TRHDE: variants seen among roughly 807,000 people sequenced by gnomAD.
TRHDE encodes thyrotropin-releasing hormone-degrading ectoenzyme.
TRHDE carries 72 observed loss-of-function variants against 125.7 expected under a neutral mutation model. That is an observed-to-expected ratio of 0.57 (90% confidence interval 0.47 to 0.70). The LOEUF (loss-of-function observed/expected upper bound fraction) is 0.70, where lower values mean the gene tolerates loss of function less well. Ranked by LOEUF, TRHDE falls within the 30% of genes least tolerant of loss-of-function variation. TRHDE has a pLI of 0.00. For missense variants in TRHDE, 1,110 were observed against 1,327.1 expected, an observed-to-expected ratio of 0.84 and a Z score of 2.54; for synonymous variants, 509 against 509.1, an observed-to-expected ratio of 1.00 and a Z score of 0.00.
chr12:72,220,090 T>G (rs2139367454), intron 2 of TRHDE, among the ~76,000 whole-genome samples: 1 of 152,088 alleles, frequency 6.6e-6, no homozygotes, highest in Admixed American at 6.6e-5. Flanking sequence ...TCAGACCAGT[T>G]TAGGGTAGTT....
At chr12:72,343,699 T>G (rs1870185318) in intron 2 of TRHDE, among the ~76,000 whole-genome samples, 1 of 152,118 alleles carries the variant, frequency 6.6e-6, no homozygotes, top group Admixed American at 6.6e-5. Flanking sequence ...TATACTTTCT[T>G]ATATGATTTT....
At chr12:72,646,607 A>C (rs1195793041) in intron 15 of TRHDE, among the ~76,000 whole-genome samples, 1 of 152,074 alleles carries the variant, frequency 6.6e-6, no homozygotes, top group African/African-American at 2.4e-5. Context: ...AGCTTTAAGG[A>C]CACATATAGG....
At chr12:72,220,881 T>C (rs1209536109) in intron 2 of TRHDE, among the ~76,000 whole-genome samples, 1 of 152,078 alleles carries the variant, frequency 6.6e-6, no homozygotes, top group Non-Finnish European at 1.5e-5. Flanking sequence ...ATTATGAAAG[T>C]TAGTATAGGT....
intron 2 of TRHDE, among the ~76,000 whole-genome samples, chr12:72,222,392 G>A (rs1878018895): frequency 6.6e-6 from 1 of 151,990 alleles, no homozygotes; most frequent in South Asian, 2.1e-4. Context: ...TATATCTGAG[G>A]GAAAGTCTCC....
chr12:72,519,199 C>G (rs1879045832), intron 6 of TRHDE, among the ~76,000 whole-genome samples: 1 of 152,128 alleles, frequency 6.6e-6, no homozygotes, highest in Non-Finnish European at 1.5e-5. Context: ...GCCTGCCTTG[C>G]TAGGTTGGGG....
At chr12:72,646,184 T>C (rs1874272588) in intron 15 of TRHDE, among the ~76,000 whole-genome samples, 1 of 152,056 alleles carries the variant, frequency 6.6e-6, no homozygotes, top group African/African-American at 2.4e-5. Context: ...GTACACAATA[T>C]GAATAGGTAC....
At chr12:72,588,027 G>C (rs1377705632) in intron 12 of TRHDE, among the ~76,000 whole-genome samples, 1 of 152,070 alleles carries the variant, frequency 6.6e-6, no homozygotes, top group Non-Finnish European at 1.5e-5. Context: ...TGAACTATAT[G>C]TTCCCCTTAT....
At chr12:72,628,740 G>A (rs1873361522) in intron 15 of TRHDE, among the ~76,000 whole-genome samples, 1 of 151,798 alleles carries the variant, frequency 6.6e-6, no homozygotes, top group African/African-American at 2.4e-5. Context: ...GAATTCTTTT[G>A]TCAAAATGAA....
intron 2 of TRHDE, among the ~76,000 whole-genome samples, chr12:72,209,032 T>A (rs1877724340): frequency 6.6e-6 from 1 of 152,178 alleles, no homozygotes; most frequent in Non-Finnish European, 1.5e-5. Context: ...CTTGACCTTT[T>A]CAGATTGGCC....
intron 2 of TRHDE, among the ~76,000 whole-genome samples, chr12:72,238,208 A>G (rs1878373839): frequency 1.4e-5 from 2 of 143,854 alleles, no homozygotes. Context: ...GTTAGGTGAG[A>G]AAAGATGGTG....
upstream of TRHDE, among the ~76,000 whole-genome samples, chr12:72,267,542 G>A (rs1879095367): frequency 6.6e-6 from 1 of 151,770 alleles, no homozygotes; most frequent in African/African-American, 2.4e-5. Context: ...ATATTAATAG[G>A]TTAGGAAATA....
At chr12:72,499,434 G>A (rs1592492088) in intron 5 of TRHDE, 64 bp from the exon 6 acceptor site, 2 of 1,557,360 alleles carry the variant, frequency 1.3e-6, no homozygotes, top group South Asian at 1.2e-5. Flanking sequence ...TTATGTTCAT[G>A]TCATCATATA....
chr12:72,452,210 G>C (rs941327543), intron 3 of TRHDE, among the ~76,000 whole-genome samples: 2 of 151,726 alleles, frequency 1.3e-5, no homozygotes, highest in African/African-American at 4.8e-5. Flanking sequence ...TGTAGATACT[G>C]TAAACAGGAT....
At chr12:72,634,268 T>G (rs548790038) in intron 15 of TRHDE, among the ~76,000 whole-genome samples, 1 of 152,170 alleles carries the variant, frequency 6.6e-6, no homozygotes, top group African/African-American at 2.4e-5. Flanking sequence ...AGAATGAGAA[T>G]AGAAAGAAAT....
intron 2 of TRHDE, among the ~76,000 whole-genome samples, chr12:72,336,949 G>A (rs1260371318): frequency 1.3e-5 from 2 of 152,170 alleles, no homozygotes; most frequent in Non-Finnish European, 2.9e-5. Context: ...CAGACTGCCA[G>A]CATTGACATC....
At chr12:72,382,978 T>C (rs1872251487) in intron 3 of TRHDE, among the ~76,000 whole-genome samples, 1 of 152,228 alleles carries the variant, frequency 6.6e-6, no homozygotes, top group South Asian at 2.1e-4. Flanking sequence ...GTTAGGACAA[T>C]AATTTATTCT....
At chr12:72,581,149 T>A (rs946036023) in intron 12 of TRHDE, among the ~76,000 whole-genome samples, 5 of 152,230 alleles carry the variant, frequency 3.3e-5, no homozygotes, top group Non-Finnish European at 7.3e-5. Flanking sequence ...GATTTGAGAT[T>A]TCTCTGGAGT....
At chr12:72,203,143 T>TA (rs1877593743) in intron 2 of TRHDE, among the ~76,000 whole-genome samples, 1 of 149,480 alleles carries the variant, frequency 6.7e-6, no homozygotes, top group Non-Finnish European at 1.5e-5. Flanking sequence ...GAAAGAGAGA[T>TA]AGAGAGAGAG....
At chr12:72,603,352 G>C (rs953610275) in intron 12 of TRHDE, among the ~76,000 whole-genome samples, 2 of 152,034 alleles carry the variant, frequency 1.3e-5, no homozygotes, top group African/African-American at 4.8e-5. Flanking sequence ...TGGTGTGCTC[G>C]TGTGTCTGTA....
Sources: gnomAD v4.1 joint callset for allele counts (sites outside exome capture counted in the v4.1 genomes callset) on GRCh38, gnomAD v4.1.1 for gene constraint, MANE v1.5 for transcripts, NCBI Gene and HGNC (gene_info 2026-07-23, HGNC 2026-07-21) for gene names.